The following VSTM1 variants were observed in gnomAD, a reference collection of about 807,000 sequenced individuals.
VSTM1 encodes the protein V-set and transmembrane domain-containing protein 1.
VSTM1 carries 27 observed loss-of-function variants against 33.1 expected under a neutral mutation model. That is an observed-to-expected ratio of 0.82 (90% CI 0.60 to 1.12). The LOEUF (loss-of-function observed/expected upper bound fraction) is 1.12, where lower values mean the gene tolerates loss of function less well. VSTM1 is among the 50% of genes most tolerant of loss of function. VSTM1 has a pLI of 0.00. For synonymous variants in VSTM1, 115 were observed against 110.3 expected (o/e 1.04, Z -0.27); for missense variants, 304 against 288.9 (o/e 1.05, Z -0.38).
chr19:54,063,299 T>C (rs1410193248), intron 1 of VSTM1, among the ~76,000 whole-genome samples: 1 of 151,826 alleles, frequency 6.6e-6, no homozygotes, highest in Non-Finnish European at 1.5e-5. Flanking sequence ...GATCACGCCA[T>C]TGCACTCCAG....
intron 3 of VSTM1, among the ~76,000 whole-genome samples, chr19:54,056,927 A>G (rs1195076999): frequency 7.2e-6 from 1 of 138,708 alleles, no homozygotes; most frequent in Non-Finnish European, 1.6e-5. Context: ...ATCTCAGCTC[A>G]TTACAACCTC....
At position 54,056,178 on chromosome 19, in the gene VSTM1, T is replaced by A. The variant is rs947288429; in HGVS notation, c.355+2128A>T. On this transcript the variant is annotated intron_variant, in intron 3 of 8. Transcript: ENST00000338372. ...CTACACCCCAAAGCCAATTCTTTTT[T>A]TGTTTTTCTTTTCTTTCTTTCTTTT... Among the ~76,000 whole-genome samples, 4 of 130,600 alleles carry A rather than the reference T, an allele frequency of 3.1e-5. 1 individual carries two copies. The highest frequency in any genetic ancestry group is 6.7e-5 in the Non-Finnish European group (4 of 59,768). 85.7% of individuals were successfully genotyped at this position (130,600 alleles called of 152,430 possible). A position where few individuals can be genotyped will look rare whatever the true frequency, so the allele number is the denominator to read the frequency against.
rs2070960360 is a variant in VSTM1 at position 54,053,753 on chromosome 19, C to T, written c.356-2305G>A. ...ACTGTGAGATAATAAATAGGTGTTT[C>T]AGGCTGCTAAATTAGTGGTAATTTG... On this transcript the variant is annotated intron_variant, in intron 3 of 8. Coordinates refer to ENST00000338372, the MANE Select transcript of VSTM1 (RefSeq NM_198481.4). Among the ~76,000 whole-genome samples, 2 of 142,510 alleles carry T rather than the reference C, an allele frequency of 1.4e-5. 1 individual carries two copies. Among genetic ancestry groups the T allele is most frequent in the African/African-American group, 5.2e-5 (2 of 38,582 alleles). 93.5% of individuals were successfully genotyped at this position (142,510 alleles called of 152,430 possible).
At chr19:54,056,134 A>G (rs546543298) in intron 3 of VSTM1, among the ~76,000 whole-genome samples, 1 of 138,450 alleles carries the variant, frequency 7.2e-6, no homozygotes, top group Admixed American at 7.5e-5. Flanking sequence ...TCCAAGAACT[A>G]GACAACCAGG....
At position 54,058,357 on chromosome 19, in the gene VSTM1, C is replaced by T. The variant is rs781154935; in HGVS notation, c.304G>A (p.Ala102Thr). ...CTGCTTTCTGACCACTCATGGGAGG[C>T]TGTTGTCTTGTAGGCACAAAAGTAC... The part of the protein sequence containing the change: ...GRYFCAYKTT[A>T]SHEWSESSEH... Residue 102 changes from alanine to threonine, a missense_variant, in exon 3 of 9, where the codon GCC becomes ACC. Coordinates refer to ENST00000338372, the MANE Select transcript of VSTM1 (RefSeq NM_198481.4). The T allele has an allele frequency of 5.6e-6, 9 of 1,614,022 alleles. 1 individual carries two copies. The Admixed American group carries it at 6.7e-5, about 12-fold the overall frequency.
chr19:54,041,364 T>C (rs1286560703), intron 8 of VSTM1, among the ~76,000 whole-genome samples: 2 of 151,978 alleles, frequency 1.3e-5, no homozygotes, highest in African/African-American at 2.4e-5. Flanking sequence ...TGCGGTGGCG[T>C]GATCTCGGCT....
At chr19:54,060,598 GCT>G (rs1289534788) in intron 1 of VSTM1, among the ~76,000 whole-genome samples, 1 of 152,130 alleles carries the variant, frequency 6.6e-6, no homozygotes. Context: ...CAGGACTCAG[GCT>G]CTGTTTTGAG....
At chr19:54,057,693 C>T (rs2071168560) in intron 3 of VSTM1, among the ~76,000 whole-genome samples, 1 of 151,546 alleles carries the variant, frequency 6.6e-6, no homozygotes, top group Non-Finnish European at 1.5e-5. Flanking sequence ...CCTGTAGTTC[C>T]AGCTACTCGG....
chr19:54,047,002 C>G (rs1334752526), intron 4 of VSTM1, among the ~76,000 whole-genome samples: 1 of 152,074 alleles, frequency 6.6e-6, no homozygotes, highest in East Asian at 1.9e-4. Context: ...TCGAGACCAG[C>G]CTGACCAACA....
rs377301917 is a variant in VSTM1, at chr19:54,042,350, G to A, written c.414C>T (p.Val138=). The A allele has an allele frequency of 5.6e-6, 9 of 1,613,700 alleles. No individual in the cohort carries two copies. Among genetic ancestry groups the A allele is most frequent in the South Asian group, 3.3e-5 (3 of 91,038 alleles). The change falls in exon 5 of 9, where the codon GTC becomes GTT. Residue 138 remains valine (V), a synonymous_variant. Transcript: ENST00000338372. ...SMKTDTRTIF[V]AIFSCISILL... ...GGATGGAGATGCAGCTGAAGATGGC[G>A]ACAAAGATGGTTCTGGTGTCTGGAG...
Position 54,051,396 on chromosome 19 carries a change from T to C in VSTM1, c.394+14A>G. On this transcript the variant is annotated intron_variant, in intron 4 of 8. Transcript: ENST00000338372. ...ATCTCATTGGGAAAAACATCTCCTTTCTAATTATCTTACCTGTTTTCATTG... is the reference window on the plus strand; with the variant it reads ...ATCTCATTGGGAAAAACATCTCCTTCCTAATTATCTTACCTGTTTTCATTG... 1 of 1,598,718 alleles carries C rather than the reference T, an allele frequency of 6.3e-7. No homozygotes were observed. The highest frequency in any genetic ancestry group is 8.5e-7 in the Non-Finnish European group (1 of 1,174,654).
chr19:54,063,655 CCA>C, intron 1 of VSTM1, 87 bp downstream of exon 1: 1 of 1,535,986 alleles, frequency 6.5e-7, no homozygotes, highest in Non-Finnish European at 9.0e-7. Context: ...GTCATTACTT[CCA>C]CACACCGCAT....
intron 8 of VSTM1, among the ~76,000 whole-genome samples, 173 bp from the exon 9 acceptor site, chr19:54,041,253 G>A (rs2070247339): frequency 6.6e-6 from 1 of 152,034 alleles, no homozygotes; most frequent in Non-Finnish European, 1.5e-5. Flanking sequence ...CTTTATGCCT[G>A]TGACATCAAT....
intron 4 of VSTM1, among the ~76,000 whole-genome samples, chr19:54,048,120 T>C (rs755226998): frequency 1.3e-5 from 2 of 152,132 alleles, no homozygotes; most frequent in Non-Finnish European, 2.9e-5. Context: ...TTACTTTTAT[T>C]TTATTTATTT....
At chr19:54,048,525 A>G (rs184055903) in intron 4 of VSTM1, 46 of 179,824 alleles carry the variant, frequency 2.6e-4, no homozygotes, top group Non-Finnish European at 4.8e-4. Context: ...AAAAAAAGAA[A>G]AGTAAGTGTT....
intron 3 of VSTM1, chr19:54,055,531 G>C (rs1341817554): frequency 7.0e-6 from 1 of 142,944 alleles, no homozygotes; most frequent in Non-Finnish European, 1.5e-5. Flanking sequence ...CCAGCTTGTT[G>C]CTGGGGAAGG....
intron 4 of VSTM1, among the ~76,000 whole-genome samples, 182 bp downstream of exon 4, chr19:54,051,228 G>A (rs193131357): frequency 2.6e-5 from 4 of 152,282 alleles, no homozygotes; most frequent in African/African-American, 9.6e-5. Context: ...GGAGGCGAAG[G>A]TTGCAGTGAG....
intron 4 of VSTM1, among the ~76,000 whole-genome samples, chr19:54,045,060 A>G (rs1171841249): frequency 6.6e-6 from 1 of 152,186 alleles, no homozygotes; most frequent in African/African-American, 2.4e-5. Context: ...ATCTGTGGTC[A>G]CATTACAGAG....
intron 3 of VSTM1, 74 bp downstream of exon 3, chr19:54,058,232 T>A: frequency 1.0e-6 from 1 of 965,752 alleles, no homozygotes; most frequent in South Asian, 1.5e-5. Context: ...ACAGCAAGAC[T>A]CTGTCTTAAA....
Sources: gnomAD v4.1 joint callset for allele counts (sites outside exome capture counted in the v4.1 genomes callset) on GRCh38, gnomAD v4.1.1 for gene constraint, MANE v1.5 for transcripts, NCBI Gene and HGNC (gene_info 2026-07-23, HGNC 2026-07-21) for gene names.